Variants in GPHN observed in about 807,000 individuals in gnomAD.
GPHN encodes gephyrin.
Under a neutral mutation model 95.5 loss-of-function variants are expected in GPHN, and 17 were observed. The ratio of observed to expected loss-of-function variants is 0.18; its 90% confidence interval spans 0.12 to 0.27. The LOEUF (loss-of-function observed/expected upper bound fraction) is 0.27. Among genes scored for constraint, GPHN ranks in the 10% least tolerant of loss-of-function variants. The pLI is 1.00. For missense variants in GPHN, 660 were observed against 978.1 expected, an observed-to-expected ratio of 0.67 and a Z score of 4.34; for synonymous variants, 320 against 322.5, an observed-to-expected ratio of 0.99 and a Z score of 0.08.
rs144431822 is a variant in GPHN at position 66,612,251 on chromosome 14, T to C, written c.65-68856T>C. ...TTGCTTTTATTATTTTTTTTAACTTTTAAAAATGTTTTCTTCTAACTTCTT... is the reference window on the plus strand; with the variant it reads ...TTGCTTTTATTATTTTTTTTAACTTCTAAAAATGTTTTCTTCTAACTTCTT... On this transcript the variant is annotated intron_variant, in intron 1 of 22. Transcript: ENST00000478722. Among the ~76,000 whole-genome samples, 5 of 152,122 alleles carry C rather than the reference T, an allele frequency of 3.3e-5. No individual in the cohort carries two copies. In the East Asian group the frequency reaches 9.6e-4, roughly 29 times the overall value.
intron 1 of GPHN, among the ~76,000 whole-genome samples, chr14:66,649,577 T>C (rs949448658): frequency 6.6e-6 from 1 of 152,176 alleles, no homozygotes; most frequent in African/African-American, 2.4e-5. Context: ...GAACTACACA[T>C]GTGAGAGATC....
At chr14:67,298,389 C>T in the GPHN span, among the ~76,000 whole-genome samples, 1 of 151,800 alleles carries the variant, frequency 6.6e-6, no homozygotes, top group African/African-American at 2.4e-5. Context: ...GTGGCGGGCA[C>T]CTGTAATCCC....
rs111717236 is a variant in GPHN, at chr14:66,660,541, AT to A, written c.65-20556del. ...TTTTTCTTCATCAAAGAATGTCGTA[AT>A]TTTTTTTTTCATGTCTGAAGAGTAT... is the stretch of plus-strand genomic sequence containing the variant. On this transcript the variant is annotated intron_variant, in intron 1 of 22. Transcript: ENST00000478722. 5.5e-3 allele frequency among the ~76,000 whole-genome samples: 824 copies of A among 150,308 alleles called. 6 individuals are homozygous for A. Among genetic ancestry groups the A allele is most frequent in the African/African-American group, 0.019 (787 of 41,080 alleles).
intron 10 of GPHN, among the ~76,000 whole-genome samples, chr14:67,036,137 T>C (rs2074410236): frequency 6.6e-6 from 1 of 151,922 alleles, no homozygotes; most frequent in African/African-American, 2.4e-5. Flanking sequence ...CATGATCATC[T>C]CAAAAGGTGC....
At chr14:67,726,997 C>T in the GPHN span, 57 of 1,612,658 alleles carry the variant, frequency 3.5e-5, no homozygotes, top group Non-Finnish European at 4.6e-5. Context: ...TCCTCCTCAC[C>T]TACCTGCTCC....
chr14:66,895,469 G>T (rs1045424158), intron 5 of GPHN, among the ~76,000 whole-genome samples: 4 of 151,920 alleles, frequency 2.6e-5, no homozygotes, highest in Admixed American at 1.3e-4. Flanking sequence ...TAACAAACCT[G>T]CACATTGTGC....
At chr14:67,338,814 T>G in the GPHN span, 11 of 1,496,732 alleles carry the variant, frequency 7.3e-6, no homozygotes, top group African/African-American at 9.8e-5. Flanking sequence ...CAATATTAAG[T>G]AGATTTGATT....
At chr14:67,131,771 TTATCCAAATAGAATCCACTTGGGGAAA>T (rs958351272) in intron 17 of GPHN, among the ~76,000 whole-genome samples, 1 of 152,226 alleles carries the variant, frequency 6.6e-6, no homozygotes, top group African/African-American at 2.4e-5. Flanking sequence ...GCGGTAATCA[TTATCCAAATAGAATCCACTTGGGGAAA>T]TTTTTTTAAA....
the GPHN span, chr14:67,693,032 AC>A: frequency 6.2e-7 from 1 of 1,612,780 alleles, no homozygotes; most frequent in Non-Finnish European, 8.5e-7. Context: ...TGATGTACAC[AC>A]CCCACTGGAC....
the GPHN span, among the ~76,000 whole-genome samples, chr14:67,346,172 G>C: frequency 6.6e-6 from 1 of 152,192 alleles, no homozygotes; most frequent in Admixed American, 6.5e-5. Flanking sequence ...CTGATGCCCA[G>C]AGTACGATGA....
At chr14:67,165,091 A>G in intron 19 of GPHN, 71 bp from the exon 20 acceptor site, 1 of 1,026,274 alleles carries the variant, frequency 9.7e-7, no homozygotes, top group Admixed American at 1.7e-5. Flanking sequence ...GATTACAAAA[A>G]CACTGGAGTA....
the GPHN span, among the ~76,000 whole-genome samples, chr14:67,193,267 T>A: frequency 7.4e-6 from 1 of 135,704 alleles, no homozygotes; most frequent in African/African-American, 2.8e-5. Context: ...TATATAGACA[T>A]CTATCTATAT....
chr14:67,299,920 T>C, the GPHN span, among the ~76,000 whole-genome samples: 1 of 152,224 alleles, frequency 6.6e-6, no homozygotes. Flanking sequence ...TCAAAAGGTG[T>C]ATGATCAAGA....
At chr14:67,703,974 G>T in the GPHN span, among the ~76,000 whole-genome samples, 2 of 152,128 alleles carry the variant, frequency 1.3e-5, no homozygotes, top group Non-Finnish European at 2.9e-5. Flanking sequence ...CACTGTGCTT[G>T]GCCTGGCATG....
At chr14:67,211,915 A>C in the GPHN span, among the ~76,000 whole-genome samples, 1 of 152,196 alleles carries the variant, frequency 6.6e-6, no homozygotes, top group Non-Finnish European at 1.5e-5. Context: ...GGTTCTGTAC[A>C]TTGTGAAGTC....
the GPHN span, chr14:67,589,274 A>AATCTT: frequency 2.3e-6 from 2 of 874,300 alleles, no homozygotes; most frequent in Non-Finnish European, 2.7e-6. Context: ...TTAGTTTATT[A>AATCTT]ATCTTATACA....
the GPHN span, among the ~76,000 whole-genome samples, chr14:67,687,375 A>C: frequency 1.3e-5 from 2 of 150,666 alleles, no homozygotes; most frequent in East Asian, 3.9e-4. Context: ...TCTACAACCT[A>C]CCAATGGTAA....
At chr14:67,157,791 G>A (rs766071643) in intron 18 of GPHN, among the ~76,000 whole-genome samples, 7 of 151,470 alleles carry the variant, frequency 4.6e-5, no homozygotes, top group Non-Finnish European at 1.0e-4. Flanking sequence ...TCATGCCACT[G>A]CACTCCAGCC....
chr14:67,264,029 G>A, the GPHN span, among the ~76,000 whole-genome samples: 3 of 152,048 alleles, frequency 2.0e-5, no homozygotes, highest in Non-Finnish European at 4.4e-5. Context: ...TCCCATGCAA[G>A]CACCTGGGAC....
Sources: gnomAD v4.1 joint callset for allele counts (sites outside exome capture counted in the v4.1 genomes callset) on GRCh38, gnomAD v4.1.1 for gene constraint, MANE v1.5 for transcripts, NCBI Gene and HGNC (gene_info 2026-07-23, HGNC 2026-07-21) for gene names.